The following TMEM182 variants were observed in gnomAD, a reference collection of about 807,000 sequenced individuals.
The protein encoded by TMEM182 is transmembrane protein 182.
A neutral mutation model predicts 26.8 loss-of-function variants in TMEM182; 20 were observed. That is an observed-to-expected ratio of 0.75 (90% CI 0.53 to 1.09). The LOEUF (loss-of-function observed/expected upper bound fraction) is 1.09. Ranked by LOEUF, TMEM182 falls within the 50% of genes least tolerant of loss-of-function variation. TMEM182 has a pLI of 0.00. For synonymous variants in TMEM182, 109 were observed against 102.2 expected, an observed-to-expected ratio of 1.07 and a Z score of -0.40; for missense variants, 277 against 275.5, an observed-to-expected ratio of 1.01 and a Z score of -0.04.
intron 3 of TMEM182, among the ~76,000 whole-genome samples, chr2:102,782,576 T>C (rs1399738343): frequency 6.6e-6 from 1 of 152,162 alleles, no homozygotes; most frequent in Non-Finnish European, 1.5e-5. Context: ...ACATCAGGAC[T>C]ACTTGAAAGC....
In TMEM182 at chr2:102,762,310, T is replaced by C. The variant is rs1455949960; in HGVS notation, c.93T>C (p.Leu31=). The C allele has an allele frequency of 6.2e-7, 1 of 1,613,968 alleles. No homozygotes were observed. Among genetic ancestry groups the C allele is most frequent in the Non-Finnish European group, 8.5e-7 (1 of 1,179,924 alleles). The change falls in exon 1 of 5, where the codon CTT becomes CTC. Residue 31 remains leucine, a synonymous_variant. Transcript: ENST00000412401. ...FLVAFGSDYW[L]LATEVGRCSG... is the part of the protein sequence containing the mutation. ...TGGCTTTTGGATCGGATTATTGGCT[T>C]CTTGCAACTGAAGTGGGGAGATGTT...
At chr2:102,833,886 G>A (rs1683194979) in intron 3 of TMEM182, among the ~76,000 whole-genome samples, 1 of 152,150 alleles carries the variant, frequency 6.6e-6, no homozygotes, top group South Asian at 2.1e-4. Context: ...CCAACGCATT[G>A]CATCAGAGGA....
intron 1 of TMEM182, 102 bp from the exon 2 acceptor site, chr2:102,762,485 T>C: frequency 2.0e-6 from 3 of 1,524,526 alleles, no homozygotes. Flanking sequence ...CTGAGCTTCA[T>C]TATTTGGGAT....
At chr2:102,834,470 T>A (rs1323740755) in intron 3 of TMEM182, 1 of 983,914 alleles carries the variant, frequency 1.0e-6, no homozygotes, top group African/African-American at 1.7e-5. Context: ...CAGTGCCCCA[T>A]GGTCTCCAAC....
At chr2:102,775,761 C>T (rs1353509118) in intron 3 of TMEM182, among the ~76,000 whole-genome samples, 1 of 151,982 alleles carries the variant, frequency 6.6e-6, no homozygotes, top group East Asian at 1.9e-4. Context: ...AAACAGAGAG[C>T]CAAATCATGA....
At chr2:102,825,203 T>G (rs760933272) in intron 3 of TMEM182, among the ~76,000 whole-genome samples, 1 of 152,214 alleles carries the variant, frequency 6.6e-6, no homozygotes, top group Non-Finnish European at 1.5e-5. Flanking sequence ...AAAAAGAAGA[T>G]GTTAAAGAAA....
At chr2:102,741,299 T>TA (rs1394197233) in intron 1 of TMEM182, among the ~76,000 whole-genome samples, 2 of 152,126 alleles carry the variant, frequency 1.3e-5, no homozygotes, top group Non-Finnish European at 2.9e-5. Context: ...TAGAAACTCT[T>TA]AGAGAGTTAG....
At position 102,762,666 on chromosome 2, in the gene TMEM182, A is replaced by C; in HGVS notation, c.212A>C (p.Asn71Thr). The change falls in exon 2 of 5, where the codon AAT becomes ACT. Residue 71 changes from asparagine (N) to threonine (T), a missense_variant. Transcript: ENST00000412401. ...GGGATTGTGGAAGAGAATGACTCCA[A>C]TATTTGGAAGTTCTGGTACAGTAAG... ...FNGIVEENDS[N>T]IWKFWYTNQP... The C allele has an allele frequency of 6.2e-7, 1 of 1,613,774 alleles. No homozygotes were observed. Among genetic ancestry groups the C allele is most frequent in the East Asian group, 2.2e-5 (1 of 44,824 alleles).
downstream of TMEM182, among the ~76,000 whole-genome samples, chr2:102,819,815 G>A (rs1300675403): frequency 1.3e-5 from 2 of 152,130 alleles, no homozygotes; most frequent in African/African-American, 2.4e-5. Context: ...TTCTGCTATT[G>A]CATGCTTGTT....
intron 3 of TMEM182, among the ~76,000 whole-genome samples, chr2:102,789,591 A>T (rs1681547518): frequency 6.6e-6 from 1 of 152,218 alleles, no homozygotes; most frequent in Non-Finnish European, 1.5e-5. Context: ...GCTCTGGGTC[A>T]GTCTTTTAAG....
chr2:102,842,302 C>CT (rs1210097903), intron 3 of TMEM182, among the ~76,000 whole-genome samples: 3 of 152,166 alleles, frequency 2.0e-5, no homozygotes, highest in Non-Finnish European at 4.4e-5. Context: ...TTTCCTGAAC[C>CT]TTGAATTGCT....
At chr2:102,766,895 G>A (rs1680474081) in intron 3 of TMEM182, among the ~76,000 whole-genome samples, 3 of 152,182 alleles carry the variant, frequency 2.0e-5, no homozygotes, top group Admixed American at 6.5e-5. Flanking sequence ...ATATAGTGGT[G>A]TATGATTTTT....
intron 3 of TMEM182, among the ~76,000 whole-genome samples, chr2:102,785,544 A>G (rs1005570088): frequency 6.6e-6 from 1 of 152,194 alleles, no homozygotes; most frequent in Non-Finnish European, 1.5e-5. Context: ...TAGATTTTCA[A>G]TCGGTGCTCA....
At chr2:102,828,748 A>G (rs1683092860) in intron 3 of TMEM182, among the ~76,000 whole-genome samples, 1 of 152,214 alleles carries the variant, frequency 6.6e-6, no homozygotes, top group Admixed American at 6.5e-5. Flanking sequence ...TGTCGGCTAG[A>G]TGAATGACAG....
intron 4 of TMEM182, among the ~76,000 whole-genome samples, chr2:102,798,822 A>G (rs1387203663): frequency 3.3e-5 from 5 of 152,088 alleles, no homozygotes; most frequent in African/African-American, 1.2e-4. Flanking sequence ...CCTGGATGAC[A>G]GAGCGAGACT....
intron 3 of TMEM182, among the ~76,000 whole-genome samples, chr2:102,766,057 C>A (rs1366313312): frequency 2.0e-5 from 3 of 152,162 alleles, no homozygotes; most frequent in Non-Finnish European, 4.4e-5. Flanking sequence ...AAAAGTAATA[C>A]AAGGTTGGCT....
chr2:102,769,862 A>T (rs1487596198), intron 3 of TMEM182, among the ~76,000 whole-genome samples: 1 of 152,168 alleles, frequency 6.6e-6, no homozygotes, highest in Admixed American at 6.5e-5. Flanking sequence ...AGTTAAGAGG[A>T]GGGGGCATGT....
At chr2:102,802,628 G>T (rs762987236) in intron 4 of TMEM182, among the ~76,000 whole-genome samples, 2 of 152,188 alleles carry the variant, frequency 1.3e-5, no homozygotes, top group African/African-American at 4.8e-5. Context: ...TAGGAAAGAC[G>T]CAGGAAGTGT....
intron 3 of TMEM182, among the ~76,000 whole-genome samples, chr2:102,779,855 T>C (rs1375700865): frequency 6.6e-6 from 1 of 151,986 alleles, no homozygotes; most frequent in Non-Finnish European, 1.5e-5. Flanking sequence ...AAAAGTTAGC[T>C]AGCTGGGTGT....
Sources: gnomAD v4.1 joint callset for allele counts (sites outside exome capture counted in the v4.1 genomes callset) on GRCh38, gnomAD v4.1.1 for gene constraint, MANE v1.5 for transcripts, NCBI Gene and HGNC (gene_info 2026-07-23, HGNC 2026-07-21) for gene names.